The following SLC2A7 variants were observed in gnomAD, a reference collection of about 807,000 sequenced individuals.
SLC2A7 encodes the protein solute carrier family 2 member 7, also known as solute carrier family 2, facilitated glucose transporter member 7.
A neutral mutation model predicts 50.5 loss-of-function variants in SLC2A7; 50 were observed. That is an observed-to-expected ratio of 0.99 (90% CI 0.79 to 1.25). The LOEUF (loss-of-function observed/expected upper bound fraction) is 1.25, where lower values mean the gene tolerates loss of function less well. Ranked by LOEUF, SLC2A7 falls within the 50% of genes most tolerant of loss-of-function variation. The pLI is 0.00. For synonymous variants in SLC2A7, 308 were observed against 300.4 expected (o/e 1.03, Z -0.26); for missense variants, 683 against 679.1 (o/e 1.01, Z -0.06).
chr1:9,018,848 G>A (rs776346251), intron 4 of SLC2A7, among the ~76,000 whole-genome samples: 2 of 63,084 alleles, frequency 3.2e-5, no homozygotes, highest in Non-Finnish European at 5.6e-5. Flanking sequence ...CAAGGTGAAA[G>A]TGTTTCTAAA....
the SLC2A7 span, among the ~76,000 whole-genome samples, chr1:8,997,894 A>G: frequency 6.6e-6 from 1 of 152,026 alleles, no homozygotes; most frequent in Non-Finnish European, 1.5e-5. Flanking sequence ...TTGTGCTTTT[A>G]GTGTGTTGTG....
Position 9,015,166 on chromosome 1 carries a change from GC to G in SLC2A7, c.665del (p.Ser222ThrfsTer6). ...CTTTCTGAATCAGGGAGTAGCGGGG[GC>G]TTTCGGGGAAGAAGGGCAGGGTCAG... ...QLLTLPFFPE[S>X]PRYSLIQKGD... On this transcript the variant is annotated frameshift_variant, in exon 6 of 12. Coordinates refer to ENST00000400906, the MANE Select transcript of SLC2A7 (RefSeq NM_207420.3). LOFTEE classifies it high-confidence loss of function. 6.2e-7 allele frequency: 1 copy of G among 1,613,136 alleles called. No homozygotes were observed. The highest frequency in any genetic ancestry group is 8.5e-7 in the Non-Finnish European group (1 of 1,179,784).
At chr1:9,025,121 G>T in intron 1 of SLC2A7, 47 bp from the exon 2 acceptor site, 1 of 1,588,780 alleles carries the variant, frequency 6.3e-7, no homozygotes. Context: ...CTTGGGCCTC[G>T]GGAAGTGGAG....
chr1:8,997,561 G>A, the SLC2A7 span, among the ~76,000 whole-genome samples: 8 of 151,886 alleles, frequency 5.3e-5, no homozygotes, highest in Admixed American at 1.3e-4. Context: ...CCACCAAGCC[G>A]GCTAATTTTT....
At chr1:9,007,450 G>A (rs1487672339) in intron 9 of SLC2A7, 65 bp from the exon 10 acceptor site, 4 of 1,503,772 alleles carry the variant, frequency 2.7e-6, no homozygotes, top group East Asian at 2.3e-5. Context: ...GGGTCCACCT[G>A]CGGGTCCCAC....
the SLC2A7 span, among the ~76,000 whole-genome samples, chr1:8,997,341 A>G: frequency 6.6e-6 from 1 of 151,998 alleles, no homozygotes; most frequent in African/African-American, 2.4e-5. Flanking sequence ...CAAACAAAAC[A>G]CAATCTTTTG....
chr1:9,018,786 G>A (rs1014007972), intron 4 of SLC2A7, among the ~76,000 whole-genome samples: 3 of 152,166 alleles, frequency 2.0e-5, no homozygotes, highest in African/African-American at 7.2e-5. Context: ...AGTTTAAATT[G>A]TCCATCTTCC....
chr1:9,015,000 C>T lies in SLC2A7; in HGVS notation c.715+117G>A, dbSNP rs1469041834. 2.9e-5 allele frequency: 44 copies of T among 1,523,692 alleles called. No homozygotes were observed. The East Asian group carries it at 1.0e-3, about 35-fold the overall frequency. The allele number at this position is 1,523,692 out of a possible 1,614,324, so 94.4% of individuals were successfully genotyped here. A position where few individuals can be genotyped will look rare whatever the true frequency, so the allele number is the denominator to read the frequency against. ...TGCCCCAGTTGCCACCCCCCCACCC[C>T]GTTCAGCTCCCAGCTCTCACCCCTG... On this transcript the variant is annotated intron_variant, in intron 6 of 11. Transcript: ENST00000400906.
intron 10 of SLC2A7, 126 bp downstream of exon 10, chr1:9,007,184 G>T: frequency 9.4e-7 from 1 of 1,063,438 alleles, no homozygotes; most frequent in Non-Finnish European, 1.4e-6. Flanking sequence ...GAACGTGTGG[G>T]ATCTGCGTGA....
chr1:9,025,180 G>A (rs1462677367), intron 1 of SLC2A7, 106 bp from the exon 2 acceptor site: 2 of 1,170,582 alleles, frequency 1.7e-6, no homozygotes, highest in Admixed American at 4.1e-5. Context: ...TGGGGGATGG[G>A]GGATCCCAGG....
At chr1:9,000,141 T>G (rs1640554934), downstream of SLC2A7, among the ~76,000 whole-genome samples, 1 of 152,160 alleles carries the variant, frequency 6.6e-6, no homozygotes, top group Admixed American at 6.5e-5. Context: ...AAACTATCTC[T>G]GCAAATTTTT....
Position 9,026,366 on chromosome 1 carries a change from A to G in SLC2A7, c.-21T>C. 6.3e-7 allele frequency: 1 copy of G among 1,593,494 alleles called. No homozygotes were observed. The stretch of plus-strand genomic sequence containing the variant: ...TCCATCCTTGTTCAGGTGGGAGAAC[A>G]GGTGTGCTCTACCTCCCAAGTGACA... On this transcript the variant is annotated 5_prime_UTR_variant, in exon 1 of 12. Coordinates refer to ENST00000400906, the MANE Select transcript of SLC2A7 (RefSeq NM_207420.3).
At chr1:9,022,014 C>T (rs1177120251) in intron 3 of SLC2A7, among the ~76,000 whole-genome samples, 1 of 152,152 alleles carries the variant, frequency 6.6e-6, no homozygotes, top group Non-Finnish European at 1.5e-5. Flanking sequence ...TTCTTCTTTC[C>T]AGCGCATAAT....
intron 3 of SLC2A7, among the ~76,000 whole-genome samples, chr1:9,022,502 T>A (rs1005413535): frequency 7.2e-5 from 11 of 152,232 alleles, no homozygotes; most frequent in African/African-American, 2.6e-4. Flanking sequence ...GACCCCAGCC[T>A]CAGTAACAAA....
intron 10 of SLC2A7, 148 bp downstream of exon 10, chr1:9,007,162 G>C: frequency 5.7e-6 from 5 of 881,830 alleles, no homozygotes; most frequent in Non-Finnish European, 7.2e-6. Flanking sequence ...TGCCATCAAG[G>C]CTGAGAACTA....
At chr1:8,995,110 C>T in the SLC2A7 span, among the ~76,000 whole-genome samples, 1 of 151,460 alleles carries the variant, frequency 6.6e-6, no homozygotes, top group African/African-American at 2.4e-5. Context: ...GTCTCCCCAC[C>T]AGGTGCACAA....
At chr1:8,994,560 G>A in the SLC2A7 span, among the ~76,000 whole-genome samples, 2 of 152,078 alleles carry the variant, frequency 1.3e-5, no homozygotes, top group Admixed American at 6.6e-5. Flanking sequence ...CACTGGAAGT[G>A]CTTACAAGGC....
At chr1:9,012,954 T>C (rs1366843540) in intron 8 of SLC2A7, among the ~76,000 whole-genome samples, 3 of 152,118 alleles carry the variant, frequency 2.0e-5, no homozygotes, top group Non-Finnish European at 2.9e-5. Flanking sequence ...AGTGGTGCCA[T>C]CTCCCTGCTC....
the SLC2A7 span, among the ~76,000 whole-genome samples, chr1:8,994,899 T>C: frequency 1.3e-5 from 2 of 151,786 alleles, no homozygotes; most frequent in Admixed American, 6.6e-5. Flanking sequence ...GCCTCCCAAG[T>C]AGCTGGGATT....
Sources: gnomAD v4.1 joint callset for allele counts (sites outside exome capture counted in the v4.1 genomes callset) on GRCh38, gnomAD v4.1.1 for gene constraint, MANE v1.5 for transcripts, NCBI Gene and HGNC (gene_info 2026-07-23, HGNC 2026-07-21) for gene names.